Variants in KIF3A observed in about 807,000 individuals in gnomAD.
KIF3A encodes kinesin family member 3A.
KIF3A carries 27 observed loss-of-function variants against 92.6 expected under a neutral mutation model. The observed-to-expected ratio is 0.29, with a 90% CI of 0.21 to 0.40. The LOEUF is 0.40. Among genes scored for constraint, KIF3A ranks in the 10% least tolerant of loss-of-function variants. The pLI is 1.00. For missense variants in KIF3A, 581 were observed against 872.6 expected, an observed-to-expected ratio of 0.67 and a Z score of 4.21; for synonymous variants, 250 against 275.4, an observed-to-expected ratio of 0.91 and a Z score of 0.92.
rs1057274575 is a variant in KIF3A at position 132,694,858 on chromosome 5, A to G, written c.*1776T>C. 1.3e-5 allele frequency: 2 copies of G among 152,332 alleles called. No homozygotes were observed. The highest frequency in any genetic ancestry group is 4.8e-5 in the African/African-American group (2 of 41,444). 9.4% of individuals were successfully genotyped at this position (152,332 alleles called of 1,614,324 possible). A position where few individuals can be genotyped will look rare whatever the true frequency, so the allele number is the denominator to read the frequency against. On this transcript the variant is annotated 3_prime_UTR_variant, in exon 19 of 19. Coordinates refer to ENST00000403231, the MANE Select transcript of KIF3A (RefSeq NM_001300791.2). ...AAACAAATGCAGCCAGTGAAATGCA[A>G]TTCTAATCACCTAGAAAATGTTCAC... is the stretch of plus-strand genomic sequence containing the variant.
At chr5:132,729,207 A>C (rs1285975560) in intron 2 of KIF3A, among the ~76,000 whole-genome samples, 2 of 152,124 alleles carry the variant, frequency 1.3e-5, no homozygotes, top group African/African-American at 4.8e-5. Flanking sequence ...GGTGCACCAA[A>C]ATCTCAGAAA....
At chr5:132,733,131 GTGAC>G (rs767124676) in intron 2 of KIF3A, among the ~76,000 whole-genome samples, 12 of 152,178 alleles carry the variant, frequency 7.9e-5, no homozygotes, top group Non-Finnish European at 1.6e-4. Context: ...TGGATTGGGA[GTGAC>G]TGACTGCTAA....
intron 2 of KIF3A, among the ~76,000 whole-genome samples, chr5:132,726,936 A>G (rs1430522272): frequency 6.6e-6 from 1 of 152,196 alleles, no homozygotes; most frequent in East Asian, 1.9e-4. Context: ...TTATCTACCT[A>G]GAGACTGTCT....
Position 132,737,500 on chromosome 5 carries a change from G to C in KIF3A, c.-81C>G. ...ACCGGGTGCGCAGAAAGGATGGCCA[G>C]AGACTACCGAAACACCTCGTTGACG... On this transcript the variant is annotated 5_prime_UTR_variant, in exon 1 of 19. Transcript: ENST00000403231. 1 of 1,530,610 alleles carries C rather than the reference G, an allele frequency of 6.5e-7. No individual in the cohort carries two copies. The highest frequency in any genetic ancestry group is 8.9e-7 in the Non-Finnish European group (1 of 1,120,696). 94.8% of individuals were successfully genotyped at this position (1,530,610 alleles called of 1,614,324 possible). A position where few individuals can be genotyped will look rare whatever the true frequency, so the allele number is the denominator to read the frequency against.
At chr5:132,723,049 GT>G (rs1177688578) in intron 4 of KIF3A, 1 of 152,142 alleles carries the variant, frequency 6.6e-6, no homozygotes, top group Non-Finnish European at 1.5e-5. Context: ...TCACATATGA[GT>G]TTTATTTCAG....
In KIF3A at chr5:132,737,487, G is replaced by A. The variant is rs550967137; in HGVS notation, c.-68C>T. On this transcript the variant is annotated 5_prime_UTR_variant, in exon 1 of 19. Coordinates refer to ENST00000403231, the MANE Select transcript of KIF3A (RefSeq NM_001300791.2). ...GCAGCCCAGCGACACCGGGTGCGCA[G>A]AAAGGATGGCCAGAGACTACCGAAA... The A allele has an allele frequency of 2.5e-6, 4 of 1,577,152 alleles. No individual in the cohort carries two copies. Among genetic ancestry groups the A allele is most frequent in the Non-Finnish European group, 3.5e-6 (4 of 1,158,624 alleles).
Position 132,716,886 on chromosome 5 carries a change from T to A in KIF3A, c.715A>T (p.Met239Leu), listed in dbSNP as rs759314163. 2 of 1,614,090 alleles carry A rather than the reference T, an allele frequency of 1.2e-6. No homozygotes were observed. Among genetic ancestry groups the A allele is most frequent in the Non-Finnish European group, 1.7e-6 (2 of 1,179,978 alleles). The change falls in exon 6 of 19, where the codon ATG becomes TTG. Residue 239 changes from methionine to leucine, a missense_variant. Met to Leu is a conservative substitution (Grantham distance 15, BLOSUM62 2). Transcript: ENST00000403231. ...TGGAGCTTCCCCATCCTGACATGCA[T>A]GTTACCATCAATGCCTTTTTCACTG... The part of the protein sequence containing the change: ...ECSEKGIDGN[M>L]HVRMGKLHLV...
intron 4 of KIF3A, 24 bp from the exon 5 acceptor site, chr5:132,720,738 ACTAT>A: frequency 2.3e-6 from 3 of 1,305,124 alleles, no homozygotes; most frequent in Non-Finnish European, 3.3e-6. Flanking sequence ...AAGACTTTAT[ACTAT>A]ATCAATAACT....
intron 5 of KIF3A, among the ~76,000 whole-genome samples, chr5:132,720,356 C>T (rs1401700624): frequency 6.6e-6 from 1 of 152,138 alleles, no homozygotes; most frequent in Admixed American, 6.5e-5. Context: ...ATTATAGCTA[C>T]CAAGAGACAG....
At position 132,702,072 on chromosome 5, in the gene KIF3A, G is replaced by C; in HGVS notation, c.1884+15C>G. The C allele has an allele frequency of 1.2e-6, 2 of 1,603,310 alleles. No individual in the cohort carries two copies. The highest frequency in any genetic ancestry group is 1.7e-6 in the Non-Finnish European group (2 of 1,172,412). ...CAGTCAAGCGACTATCTCGGTCAGA[G>C]AACTTCCTTTTTACCTGATAATCCC... is the stretch of plus-strand genomic sequence containing the variant. On this transcript the variant is annotated intron_variant, in intron 15 of 18. Transcript: ENST00000403231.
Position 132,700,644 on chromosome 5 carries a change from C to T in KIF3A, c.1938+3G>A. 6.4e-7 allele frequency: 1 copy of T among 1,563,846 alleles called. No homozygotes were observed. Among genetic ancestry groups the T allele is most frequent in the Non-Finnish European group, 8.8e-7 (1 of 1,134,476 alleles). On this transcript the variant is annotated splice_donor_region_variant and intron_variant, in intron 16 of 18. Transcript: ENST00000403231. ...TACGTGAAAGAATGAAGGTAATACT[C>T]ACTAGCTGCCATTCTCCTATGTCTT...
rs764082653 is a variant in KIF3A, at chr5:132,716,932, G to C, written c.669C>G (p.Ile223Met). The C allele has an allele frequency of 7.4e-6, 12 of 1,613,854 alleles. No individual in the cohort carries two copies. In the South Asian group the frequency reaches 1.2e-4, roughly 16 times the overall value. ...MNEHSSRSHAIFTITIECSEK... is the reference protein window; with the variant it reads ...MNEHSSRSHAMFTITIECSEK... ...CACTGCATTCTATAGTAATTGTAAA[G>C]ATGGCATGGGAACGGGAACTATGTT... The change falls in exon 6 of 19, where the codon ATC becomes ATG. Residue 223 changes from isoleucine (I) to methionine (M), a missense_variant. Physicochemically the swap from Ile to Met is conservative, Grantham distance 10. This residue lies in a region of KIF3A where 217 missense variants were observed against 299.7 expected (regional missense o/e 0.72). Coordinates refer to ENST00000403231, the MANE Select transcript of KIF3A (RefSeq NM_001300791.2).
At chr5:132,718,880 T>C (rs1753731549) in intron 5 of KIF3A, among the ~76,000 whole-genome samples, 1 of 151,408 alleles carries the variant, frequency 6.6e-6, no homozygotes, top group Non-Finnish European at 1.5e-5. Flanking sequence ...CTGCCCACCT[T>C]GGCCTCCCAG....
Position 132,696,347 on chromosome 5 carries a change from T to C in KIF3A, c.*287A>G, listed in dbSNP as rs938296424. The C allele has an allele frequency of 4.1e-6, 1 of 246,780 alleles. No homozygotes were observed. Among genetic ancestry groups the C allele is most frequent in the Non-Finnish European group, 7.7e-6 (1 of 129,680 alleles). The allele number at this position is 246,780 out of a possible 1,614,324, so 15.3% of individuals were successfully genotyped here. On this transcript the variant is annotated 3_prime_UTR_variant, in exon 19 of 19. Coordinates refer to ENST00000403231, the MANE Select transcript of KIF3A (RefSeq NM_001300791.2). ...TAGCTAATCGATTTACACATACATC[T>C]AAACTGTAACTCTCTATAGTATGAA...
rs957911819 is a variant in KIF3A at position 132,695,457 on chromosome 5, C to G, written c.*1177G>C. ...AAAGTGCTGGGATTACAGGCGTGAG[C>G]CACCATGCCCGGCCAGGAGTAGCAT... On this transcript the variant is annotated 3_prime_UTR_variant, in exon 19 of 19. Coordinates refer to ENST00000403231, the MANE Select transcript of KIF3A (RefSeq NM_001300791.2). The G allele has an allele frequency of 1.3e-5, 2 of 152,210 alleles. No homozygotes were observed. The highest frequency in any genetic ancestry group is 4.8e-5 in the African/African-American group (2 of 41,412). The allele number at this position is 152,210 out of a possible 1,614,324, so 9.4% of individuals were successfully genotyped here.
chr5:132,728,718 CAG>C (rs1364816732), intron 2 of KIF3A, among the ~76,000 whole-genome samples: 1 of 151,520 alleles, frequency 6.6e-6, no homozygotes, highest in African/African-American at 2.4e-5. Context: ...GCCAGGGTGA[CAG>C]AGTGAGACTC....
chr5:132,736,877 A>C (rs1382908616), intron 1 of KIF3A: 1 of 379,308 alleles, frequency 2.6e-6, no homozygotes, highest in Non-Finnish European at 5.3e-6. Context: ...TAAACATAAC[A>C]CCGCCACACA....
At chr5:132,726,576 G>A in intron 2 of KIF3A, 78 bp from the exon 3 acceptor site, 1 of 1,271,852 alleles carries the variant, frequency 7.9e-7, no homozygotes, top group East Asian at 2.3e-5. Flanking sequence ...TAATTCCTTT[G>A]ACACTGTGAT....
At chr5:132,706,530 G>C (rs1753218506) in intron 10 of KIF3A, 71 bp from the exon 11 acceptor site, 1 of 1,262,064 alleles carries the variant, frequency 7.9e-7, no homozygotes, top group African/African-American at 1.6e-5. Flanking sequence ...GGAAAAAAAG[G>C]AAAACATTAT....
Sources: allele counts gnomAD v4.1 joint callset (sites outside exome capture counted in the v4.1 genomes callset), GRCh38; gene constraint gnomAD v4.1.1; regional missense constraint gnomAD v4.1.1; transcripts MANE v1.5; gene names NCBI Gene and HGNC (gene_info 2026-07-23, HGNC 2026-07-21).